DESI2: variants seen among roughly 807,000 people sequenced by gnomAD.
DESI2 encodes deubiquitinase DESI2.
Under a neutral mutation model 24.1 loss-of-function variants are expected in DESI2, and 10 were observed. The observed-to-expected ratio is 0.41, with a 90% CI of 0.26 to 0.70. DESI2 has a LOEUF of 0.70. Ranked by LOEUF, DESI2 falls within the 30% of genes least tolerant of loss-of-function variation. The pLI, the probability that DESI2 is intolerant of heterozygous loss-of-function variation, is 0.29. For synonymous variants in DESI2, 71 were observed against 87.7 expected, an observed-to-expected ratio of 0.81 and a Z score of 1.06; for missense variants, 122 against 234.9, an observed-to-expected ratio of 0.52 and a Z score of 3.14.
In DESI2 at chr1:244,653,172, C is replaced by A. The variant is rs1291332395; in HGVS notation, c.-142C>A. The A allele has an allele frequency of 6.0e-6, 5 of 831,172 alleles. No individual in the cohort carries two copies. The East Asian group carries it at 1.7e-4, about 28-fold the overall frequency. 51.5% of individuals were successfully genotyped at this position (831,172 alleles called of 1,614,324 possible). On this transcript the variant is annotated 5_prime_UTR_variant, in exon 1 of 5. Transcript: ENST00000302550. ...CCGGGAGCGGCTCGGCTGCCCGATG[C>A]TTCCGCCCCGGCTGCCGCGGGCCGG... is the stretch of plus-strand genomic sequence containing the variant.
Position 244,660,678 on chromosome 1 carries a change from G to GT in DESI2, c.42+7327dup, listed in dbSNP as rs545004624. Among the ~76,000 whole-genome samples, 266 of 152,232 alleles carry GT rather than the reference G, an allele frequency of 1.7e-3. 2 individuals are homozygous for GT. The highest frequency in any genetic ancestry group is 6.3e-3 in the African/African-American group (260 of 41,538). On this transcript the variant is annotated intron_variant, in intron 1 of 4. Coordinates refer to ENST00000302550, the MANE Select transcript of DESI2 (RefSeq NM_016076.5). ...CAATGGGATGCATGAAAATAATTTT[G>GT]TTTTAGTTTATCTGGAATGTATTTT...
At chr1:244,683,513 A>G (rs140192956) in intron 1 of DESI2, among the ~76,000 whole-genome samples, 2,946 of 152,024 alleles carry the variant, frequency 0.019, 88 homozygotes, top group African/African-American at 0.059. Flanking sequence ...GGGTTTCACC[A>G]TGTTAGCCAG....
At chr1:244,686,065 C>G (rs369077556) in intron 1 of DESI2, among the ~76,000 whole-genome samples, 6 of 152,300 alleles carry the variant, frequency 3.9e-5, no homozygotes, top group Admixed American at 6.5e-5. Context: ...GAATGTTGTT[C>G]TAACCTTTGT....
intron 1 of DESI2, among the ~76,000 whole-genome samples, chr1:244,670,382 TTTTGACA>T (rs1299150333): frequency 6.6e-6 from 1 of 152,204 alleles, no homozygotes; most frequent in East Asian, 1.9e-4. Context: ...TTCTTGAAAA[TTTTGACA>T]CTGTACAGAT....
At chr1:244,697,503 AAAG>A in intron 4 of DESI2, among the ~76,000 whole-genome samples, 1 of 151,946 alleles carries the variant, frequency 6.6e-6, no homozygotes, top group East Asian at 1.9e-4. Flanking sequence ...AGGACTGAGA[AAAG>A]AAAGGATGAA....
At chr1:244,666,050 A>G (rs1676032932) in intron 1 of DESI2, among the ~76,000 whole-genome samples, 1 of 152,164 alleles carries the variant, frequency 6.6e-6, no homozygotes, top group Admixed American at 6.5e-5. Flanking sequence ...AGGGCCCTAA[A>G]TACTGTCTAG....
At chr1:244,653,639 C>G (rs1344118011) in intron 1 of DESI2, 2 of 515,064 alleles carry the variant, frequency 3.9e-6, no homozygotes, top group Non-Finnish European at 6.9e-6. Flanking sequence ...CTGGGCCCGA[C>G]CCCTTGGCCG....
At chr1:244,661,093 C>T (rs1675823522) in intron 1 of DESI2, among the ~76,000 whole-genome samples, 1 of 152,126 alleles carries the variant, frequency 6.6e-6, no homozygotes, top group African/African-American at 2.4e-5. Context: ...TAGGTATATT[C>T]ACATTTTTGT....
At chr1:244,680,372 G>A (rs1191241120) in intron 1 of DESI2, among the ~76,000 whole-genome samples, 6 of 151,952 alleles carry the variant, frequency 3.9e-5, no homozygotes, top group Non-Finnish European at 8.8e-5. Context: ...CCTGCCTGCA[G>A]TGAACCGAGA....
intron 1 of DESI2, among the ~76,000 whole-genome samples, chr1:244,669,295 C>T (rs1676156044): frequency 6.6e-6 from 1 of 152,034 alleles, no homozygotes; most frequent in Non-Finnish European, 1.5e-5. Context: ...CCGTGCCTGG[C>T]CAGAAAACCT....
chr1:244,674,850 T>G (rs1676363121), intron 1 of DESI2, among the ~76,000 whole-genome samples: 1 of 152,214 alleles, frequency 6.6e-6, no homozygotes, highest in South Asian at 2.1e-4. Context: ...TGGCTATATA[T>G]TTTCATTTCT....
At chr1:244,698,140 T>C (rs1338947932) in intron 4 of DESI2, among the ~76,000 whole-genome samples, 1 of 152,220 alleles carries the variant, frequency 6.6e-6, no homozygotes, top group African/African-American at 2.4e-5. Context: ...TAAAATGTTT[T>C]ATGCTTGTAA....
chr1:244,656,965 G>A (rs1675668576), intron 1 of DESI2, among the ~76,000 whole-genome samples: 1 of 151,994 alleles, frequency 6.6e-6, no homozygotes, highest in African/African-American at 2.4e-5. Flanking sequence ...GTAGAGGTGG[G>A]TTTCACCATG....
At chr1:244,667,954 C>T (rs1474079138) in intron 1 of DESI2, among the ~76,000 whole-genome samples, 5 of 152,168 alleles carry the variant, frequency 3.3e-5, no homozygotes, top group African/African-American at 1.2e-4. Context: ...ACATAATTTA[C>T]GTATTTTACA....
chr1:244,677,816 C>T (rs765195111), intron 1 of DESI2, among the ~76,000 whole-genome samples: 3 of 151,930 alleles, frequency 2.0e-5, no homozygotes, highest in South Asian at 2.1e-4. Context: ...GTTTCTCAGG[C>T]GGCTGAGTTA....
intron 1 of DESI2, among the ~76,000 whole-genome samples, chr1:244,685,959 C>A (rs1211610468): frequency 1.3e-5 from 2 of 152,182 alleles, no homozygotes; most frequent in Non-Finnish European, 2.9e-5. Context: ...CCCCATGGCC[C>A]AGTTTTCTTA....
rs113343038 is a variant in DESI2, at chr1:244,663,658, C to G, written c.42+10303C>G. 3.9e-3 allele frequency among the ~76,000 whole-genome samples: 595 copies of G among 152,196 alleles called. 3 individuals are homozygous for G. The highest frequency in any genetic ancestry group is 0.014 in the African/African-American group (563 of 41,516). On this transcript the variant is annotated intron_variant, in intron 1 of 4. Transcript: ENST00000302550. ...TTTATGTCTGAATACTATAGCTTCT[C>G]CAGTTGTCATTCATGTACAAAAGGA... is the stretch of plus-strand genomic sequence containing the variant.
chr1:244,671,031 C>G (rs1382356357), intron 1 of DESI2, among the ~76,000 whole-genome samples: 1 of 152,182 alleles, frequency 6.6e-6, no homozygotes, highest in Admixed American at 6.5e-5. Context: ...TTGGATTAAA[C>G]TGACCAAATG....
intron 4 of DESI2, among the ~76,000 whole-genome samples, chr1:244,699,172 A>C (rs1359455366): frequency 2.0e-5 from 3 of 152,180 alleles, no homozygotes; most frequent in African/African-American, 7.2e-5. Context: ...TTACTAAATG[A>C]ATGATCAGGA....
Sources: allele counts gnomAD v4.1 joint callset (sites outside exome capture counted in the v4.1 genomes callset), GRCh38; gene constraint gnomAD v4.1.1; transcripts MANE v1.5; gene names NCBI Gene and HGNC (gene_info 2026-07-23, HGNC 2026-07-21).